The following MOV10L1 variants were observed in gnomAD, a reference collection of about 807,000 sequenced individuals.
The protein encoded by MOV10L1 is RNA helicase Mov10l1.
In MOV10L1, 110 loss-of-function variants were observed where a neutral mutation model predicts 143.8. The observed-to-expected ratio is 0.76, with a 90% CI of 0.66 to 0.90. The LOEUF (loss-of-function observed/expected upper bound fraction) is 0.90, where lower values mean the gene tolerates loss of function less well. MOV10L1 is among the 40% of genes least tolerant of loss of function. The probability of loss-of-function intolerance (pLI) is 0.00; values close to 1 mark genes in which losing one functional copy is unlikely to be tolerated. For synonymous variants in MOV10L1, 593 were observed against 581.1 expected, an observed-to-expected ratio of 1.02 and a Z score of -0.29; for missense variants, 1,406 against 1,526.8, an observed-to-expected ratio of 0.92 and a Z score of 1.32.
chr22:50,147,167 C>T, intron 19 of MOV10L1: 2 of 1,582,326 alleles, frequency 1.3e-6, no homozygotes, highest in Non-Finnish European at 1.7e-6. Context: ...GAGGAGGTGG[C>T]CGGCCAGGGC....
At chr22:50,147,656 G>T (rs2063188532) in intron 19 of MOV10L1, among the ~76,000 whole-genome samples, 1 of 152,216 alleles carries the variant, frequency 6.6e-6, no homozygotes, top group African/African-American at 2.4e-5. Context: ...ACTGGGGGCG[G>T]CTGGAGTGGG....
chr22:50,129,855 G>A (rs1013591576), intron 13 of MOV10L1, among the ~76,000 whole-genome samples: 21 of 152,242 alleles, frequency 1.4e-4, no homozygotes, highest in Non-Finnish European at 1.9e-4. Flanking sequence ...GCTTGCTTGC[G>A]TCTTTTGCCC....
chr22:50,153,560 G>A lies in MOV10L1; in HGVS notation c.3066+342G>A, dbSNP rs886846561. ...ATGTGGCTGGGGACGCCCCAGGGCC[G>A]CAGGAAGCTCCCAGAGGCCACCACC... On this transcript the variant is annotated intron_variant, in intron 22 of 26. Coordinates refer to ENST00000262794, the MANE Select transcript of MOV10L1 (RefSeq NM_018995.3). Among the ~76,000 whole-genome samples, 7 of 152,288 alleles carry A rather than the reference G, an allele frequency of 4.6e-5. No homozygotes were observed. In the South Asian group the frequency reaches 1.5e-3, roughly 32 times the overall value.
intron 9 of MOV10L1, among the ~76,000 whole-genome samples, chr22:50,119,284 G>A (rs1021867013): frequency 6.6e-6 from 1 of 152,158 alleles, no homozygotes; most frequent in Non-Finnish European, 1.5e-5. Context: ...GGGTTGGCTC[G>A]AGCACACCTG....
chr22:50,143,368 T>C, intron 17 of MOV10L1, 147 bp downstream of exon 17: 1 of 930,650 alleles, frequency 1.1e-6, no homozygotes, highest in Non-Finnish European at 1.7e-6. Flanking sequence ...GTTAAGTCTG[T>C]TTTTGTGGAT....
intron 5 of MOV10L1, 88 bp downstream of exon 5, chr22:50,108,932 G>T (rs1036295323): frequency 7.5e-6 from 10 of 1,338,126 alleles, no homozygotes; most frequent in African/African-American, 7.2e-5. Context: ...ATCACCTGAG[G>T]TTGGGAGTTC....
At chr22:50,134,476 AT>A in intron 14 of MOV10L1, 53 bp from the exon 15 acceptor site, 7 of 1,469,884 alleles carry the variant, frequency 4.8e-6, no homozygotes, top group Non-Finnish European at 3.8e-6. Context: ...CTCTATTAAT[AT>A]TTTTTTAGCT....
rs529371298 is a variant in MOV10L1 at position 50,151,045 on chromosome 22, G to A, written c.2892+146G>A. 5.1e-5 allele frequency: 51 copies of A among 999,444 alleles called. 1 individual carries two copies. Among genetic ancestry groups the A allele is most frequent in the Middle Eastern group, 2.5e-4 (1 of 4,020 alleles). 61.9% of individuals were successfully genotyped at this position (999,444 alleles called of 1,614,324 possible). On this transcript the variant is annotated intron_variant, in intron 21 of 26. Coordinates refer to ENST00000262794, the MANE Select transcript of MOV10L1 (RefSeq NM_018995.3). ...GAGCACCCACCATAGCACCTCCCCC[G>A]TCAGCAGAAACTGCAGCCTGGTGCT...
chr22:50,143,185 T>G lies in MOV10L1; in HGVS notation c.2322T>G (p.Thr774=). 8 of 1,614,202 alleles carry G rather than the reference T, an allele frequency of 5.0e-6. No individual in the cohort carries two copies. Among genetic ancestry groups the G allele is most frequent in the Non-Finnish European group, 6.8e-6 (8 of 1,180,040 alleles). The part of the protein sequence containing the change: ...LPYILFGPPG[T]GKTVTIIEAV... Reference sequence around the variant, plus strand: ...ATATTCTCTTTGGACCTCCTGGTACTGGAAAGACAGTGACAATAATAGAGG... The same window carrying G: ...ATATTCTCTTTGGACCTCCTGGTACGGGAAAGACAGTGACAATAATAGAGG... The change falls in exon 17 of 27, where the codon ACT becomes ACG. Residue 774 remains threonine (T), a synonymous_variant. Coordinates refer to ENST00000262794, the MANE Select transcript of MOV10L1 (RefSeq NM_018995.3).
rs374157105 is a variant in MOV10L1 at position 50,158,065 on chromosome 22, G to A, written c.3075G>A (p.Glu1025=). The A allele has an allele frequency of 1.6e-5, 26 of 1,613,484 alleles. No individual in the cohort carries two copies. The highest frequency in any genetic ancestry group is 2.1e-5 in the Non-Finnish European group (25 of 1,179,660). ...TCTCCTCATCAACCCAGGGCAGCGAGGCACGGGAGGGAAAAAGCCCATCGT... is the reference window on the plus strand; with the variant it reads ...TCTCCTCATCAACCCAGGGCAGCGAAGCACGGGAGGGAAAAAGCCCATCGT... ...PLIFHGVRGS[E]AREGKSPSWF... Residue 1025 remains glutamate (E), a synonymous_variant, in exon 23 of 27, where the codon GAG becomes GAA. Coordinates refer to ENST00000262794, the MANE Select transcript of MOV10L1 (RefSeq NM_018995.3). The surrounding 1 kb of genome is among the most constrained non-coding windows in gnomAD (Gnocchi z 5.0).
chr22:50,129,080 G>T (rs992723592), intron 13 of MOV10L1, among the ~76,000 whole-genome samples: 4 of 152,072 alleles, frequency 2.6e-5, no homozygotes, highest in African/African-American at 9.7e-5. Context: ...TAGGCCTTGT[G>T]GATGGAAGTG....
At chr22:50,141,517 T>A (rs2147339688) in intron 15 of MOV10L1, among the ~76,000 whole-genome samples, 1 of 151,416 alleles carries the variant, frequency 6.6e-6, no homozygotes, top group East Asian at 1.9e-4. Flanking sequence ...TTTTTGTATT[T>A]TTGCTAGAAA....
intron 3 of MOV10L1, among the ~76,000 whole-genome samples, chr22:50,099,914 C>T (rs187107342): frequency 2.3e-4 from 35 of 152,292 alleles, no homozygotes; most frequent in Middle Eastern, 3.4e-3. Context: ...CAGGTGCTGG[C>T]TTCACACAGA....
At chr22:50,148,231 GT>G (rs1357804904) in intron 19 of MOV10L1, among the ~76,000 whole-genome samples, 2 of 152,224 alleles carry the variant, frequency 1.3e-5, no homozygotes, top group East Asian at 1.9e-4. Flanking sequence ...ATCAGGACAT[GT>G]TTCTGCCCCA....
chr22:50,129,628 A>G (rs1289021517), intron 13 of MOV10L1, among the ~76,000 whole-genome samples: 1 of 152,162 alleles, frequency 6.6e-6, no homozygotes, highest in Non-Finnish European at 1.5e-5. Context: ...CCAGCTTTAC[A>G]AGTGGTTGCA....
rs1049775911 is a variant in MOV10L1, at chr22:50,120,551, G to C, written c.1504G>C (p.Asp502His). 1 of 1,613,746 alleles carries C rather than the reference G, an allele frequency of 6.2e-7. No homozygotes were observed. Reference sequence around the variant, plus strand: ...TTTTCTTCCCCAATATCCAATCCCAGATAGACTTAGAAAATGTGTGGAACA... The same window carrying C: ...TTTTCTTCCCCAATATCCAATCCCACATAGACTTAGAAAATGTGTGGAACA... ...PSFLPQYPIPDRLRKCVEQKI... is the reference protein window; with the variant it reads ...PSFLPQYPIPHRLRKCVEQKI... Residue 502 changes from aspartate to histidine, a missense_variant, in exon 10 of 27, where the codon GAT becomes CAT. Coordinates refer to ENST00000262794, the MANE Select transcript of MOV10L1 (RefSeq NM_018995.3).
At chr22:50,155,263 G>GTTTT (rs199534596) in intron 22 of MOV10L1, among the ~76,000 whole-genome samples, 1 of 137,854 alleles carries the variant, frequency 7.3e-6, no homozygotes. Flanking sequence ...TGTTTTGTGG[G>GTTTT]TTTTTTTTTT....
chr22:50,103,783 A>G (rs541708444), intron 3 of MOV10L1, among the ~76,000 whole-genome samples: 1 of 152,160 alleles, frequency 6.6e-6, no homozygotes, highest in Non-Finnish European at 1.5e-5. Flanking sequence ...AAGTTATACC[A>G]GTTTGTGCAT....
chr22:50,158,149 C>T lies in MOV10L1; in HGVS notation c.3159C>T (p.Ser1053=). Reference sequence around the variant, plus strand: ...GCTACTGCTGCCTCCTGGCCCACAGCATCTCCAGTCAGGTGTCTGCCAGCG... The same window carrying T: ...GCTACTGCTGCCTCCTGGCCCACAGTATCTCCAGTCAGGTGTCTGCCAGCG... ...VLRYCCLLAH[S]ISSQVSASDI... is the part of the protein sequence containing the mutation. Residue 1053 remains serine, a synonymous_variant, in exon 23 of 27, where the codon AGC becomes AGT. Transcript: ENST00000262794. The surrounding 1 kb of genome is among the most constrained non-coding windows in gnomAD (Gnocchi z 5.0). The T allele has an allele frequency of 6.2e-7, 1 of 1,614,196 alleles. No individual in the cohort carries two copies. The highest frequency in any genetic ancestry group is 8.5e-7 in the Non-Finnish European group (1 of 1,180,036).
Sources: allele counts gnomAD v4.1 joint callset (sites outside exome capture counted in the v4.1 genomes callset), GRCh38; gene constraint gnomAD v4.1.1; non-coding constraint Gnocchi (gnomAD v3.1); transcripts MANE v1.5; gene names NCBI Gene and HGNC (gene_info 2026-07-23, HGNC 2026-07-21).